The following VIL1 variants were observed in gnomAD, a reference collection of about 807,000 sequenced individuals.
VIL1 encodes the protein villin 1.
Under a neutral mutation model 104.0 loss-of-function variants are expected in VIL1, and 86 were observed. The observed-to-expected ratio is 0.83, with a 90% confidence interval of 0.69 to 0.99. The LOEUF (loss-of-function observed/expected upper bound fraction) is 0.99, where lower values mean the gene tolerates loss of function less well. Ranked by LOEUF, VIL1 falls within the 50% of genes least tolerant of loss-of-function variation. The pLI is 0.00. For synonymous variants in VIL1, 394 were observed against 412.6 expected (o/e 0.95, Z 0.55); for missense variants, 944 against 1,054.1 (o/e 0.90, Z 1.45).
intron 3 of VIL1, 25 bp from the exon 4 acceptor site, chr2:218,425,587 TCGG>T: frequency 6.2e-7 from 1 of 1,611,094 alleles, no homozygotes. Flanking sequence ...GCCCAGGGTC[TCGG>T]GTACACTGGA....
rs1481544667 is a variant in VIL1, at chr2:218,419,138, C to T, written c.-42C>T. 1 of 152,294 alleles carries T rather than the reference C, an allele frequency of 6.6e-6. No individual in the cohort carries two copies. The highest frequency in any genetic ancestry group is 2.4e-5 in the African/African-American group (1 of 41,436). The allele number at this position is 152,294 out of a possible 1,614,324, so 9.4% of individuals were successfully genotyped here. On this transcript the variant is annotated 5_prime_UTR_variant, in exon 1 of 20. Coordinates refer to ENST00000248444, the MANE Select transcript of VIL1 (RefSeq NM_007127.3). Reference sequence around the variant, plus strand: ...CCAGCTTGCCACAATTCCCTGAGATCTCCCAGGTGGCAGCTGCCTCCCCAA... The same window carrying T: ...CCAGCTTGCCACAATTCCCTGAGATTTCCCAGGTGGCAGCTGCCTCCCCAA...
At chr2:218,428,144 G>T in intron 5 of VIL1, 71 bp downstream of exon 5, 1 of 1,597,208 alleles carries the variant, frequency 6.3e-7, no homozygotes, top group Non-Finnish European at 8.6e-7. Flanking sequence ...CTGAGGAGGG[G>T]TGAGGGGCAG....
rs569483851 is a variant in VIL1, at chr2:218,426,684, C to A, written c.347+873C>A. On this transcript the variant is annotated intron_variant, in intron 4 of 19. Transcript: ENST00000248444. Reference sequence around the variant, plus strand: ...TGGCGCGATCTCAACTCACTGCAAGCTCTGCCTCCCAGGCTCACGCCATTC... The same window carrying A: ...TGGCGCGATCTCAACTCACTGCAAGATCTGCCTCCCAGGCTCACGCCATTC... Among the ~76,000 whole-genome samples, 471 of 152,172 alleles carry A rather than the reference C, an allele frequency of 3.1e-3. 1 individual carries two copies. The highest frequency in any genetic ancestry group is 0.011 in the African/African-American group (453 of 41,506).
chr2:218,421,151 A>C (rs998227541), intron 1 of VIL1, among the ~76,000 whole-genome samples: 1 of 151,978 alleles, frequency 6.6e-6, no homozygotes, highest in Non-Finnish European at 1.5e-5. Flanking sequence ...AGAGCTTTCC[A>C]TATTGGAGCA....
In VIL1 at chr2:218,425,629, C is replaced by T; in HGVS notation, c.165C>T (p.Ala55=). 1.2e-6 allele frequency: 2 copies of T among 1,614,178 alleles called. No individual in the cohort carries two copies. The highest frequency in any genetic ancestry group is 8.5e-7 in the Non-Finnish European group (1 of 1,180,018). Residue 55 remains alanine (A), a synonymous_variant, in exon 4 of 20, where the codon GCC becomes GCT. Transcript: ENST00000248444. The part of the protein sequence containing the change: ...CYIILAIHKT[A]SSLSYDIHYW... The stretch of plus-strand genomic sequence containing the variant: ...CTTTTCCCTAGATCCACAAGACAGC[C>T]AGCAGCCTGTCCTATGACATCCACT...
chr2:218,421,173 C>A lies in VIL1; in HGVS notation c.-12+2005C>A, dbSNP rs552059269. ...TCCATATTGGAGCAGTGCAAGCAGG[C>A]GTGGGGTGAGAGGCAGCATGGGGGT... On this transcript the variant is annotated intron_variant, in intron 1 of 19. Transcript: ENST00000248444. Among the ~76,000 whole-genome samples the A allele has an allele frequency of 3.0e-4, 46 of 151,818 alleles. No homozygotes were observed. In the South Asian group the frequency reaches 7.9e-3, roughly 26 times the overall value.
rs867725143 is a variant in VIL1 at position 218,425,120 on chromosome 2, G to A, written c.151-495G>A. Among the ~76,000 whole-genome samples, 10 of 150,404 alleles carry A rather than the reference G, an allele frequency of 6.6e-5. No homozygotes were observed. The East Asian group carries it at 9.9e-4, about 15-fold the overall frequency. On this transcript the variant is annotated intron_variant, in intron 3 of 19. Transcript: ENST00000248444. ...TTTTGAGACAGAGTCTCGCTCTGTC[G>A]CCCAGGCTGGAGTGCAATGGCACAA...
At chr2:218,435,526 G>A in intron 15 of VIL1, 92 bp downstream of exon 15, 1 of 1,486,924 alleles carries the variant, frequency 6.7e-7, no homozygotes, top group Non-Finnish European at 9.0e-7. Context: ...AGCAGGCATG[G>A]ACTGAGGACT....
In VIL1 at chr2:218,440,764, A is replaced by C; in HGVS notation, c.2272A>C (p.Asn758His). The C allele has an allele frequency of 6.2e-7, 1 of 1,614,190 alleles. No homozygotes were observed. Residue 758 changes from asparagine to histidine, a missense_variant, in exon 19 of 20, where the codon AAC becomes CAC. Physicochemically the swap from Asn to His is moderately conservative, Grantham distance 68. Transcript: ENST00000248444. Reference sequence around the variant, plus strand: ...AGTGGACGTGTTCAATGCTAACAGCAACCTCAGTTCTGGGCCTCTGCCCAT... The same window carrying C: ...AGTGGACGTGTTCAATGCTAACAGCCACCTCAGTTCTGGGCCTCTGCCCAT... Reference protein sequence around the residue: ...PKVDVFNANSNLSSGPLPIFP... With the variant: ...PKVDVFNANSHLSSGPLPIFP...
intron 19 of VIL1, 68 bp from the exon 20 acceptor site, chr2:218,449,155 G>A (rs188735234): frequency 1.6e-5 from 18 of 1,130,540 alleles, no homozygotes; most frequent in East Asian, 1.4e-4. Flanking sequence ...CAGAGCAAAC[G>A]GTGCCTGAGG....
rs1689115303 is a variant in VIL1, at chr2:218,432,443, G to A, written c.1341+260G>A. The stretch of plus-strand genomic sequence containing the variant: ...ACCTGCTCTGCCCATGGGTTTTTGT[G>A]TCTAGATGCGAGGGAGCAGGGAGTG... On this transcript the variant is annotated intron_variant, in intron 12 of 19. Coordinates refer to ENST00000248444, the MANE Select transcript of VIL1 (RefSeq NM_007127.3). 5.6e-6 allele frequency: 4 copies of A among 710,448 alleles called. No individual in the cohort carries two copies. The South Asian group carries it at 6.0e-5, about 11-fold the overall frequency. 44.0% of individuals were successfully genotyped at this position (710,448 alleles called of 1,614,324 possible).
Position 218,432,910 on chromosome 2 carries a change from C to T in VIL1, c.1459C>T (p.His487Tyr), listed in dbSNP as rs925345480. 6.2e-7 allele frequency: 1 copy of T among 1,614,216 alleles called. No homozygotes were observed. Among genetic ancestry groups the T allele is most frequent in the South Asian group, 1.1e-5 (1 of 91,088 alleles). ...GGTCCCAATGGGCAAGGAGCCACCT[C>T]ATCTTATGTCCATCTTCAAGGGACG... is the stretch of plus-strand genomic sequence containing the variant. ...IRVPMGKEPP[H>Y]LMSIFKGRMV... The change falls in exon 13 of 20, where the codon CAT becomes TAT. Residue 487 changes from histidine to tyrosine, a missense_variant. Coordinates refer to ENST00000248444, the MANE Select transcript of VIL1 (RefSeq NM_007127.3).
chr2:218,427,619 C>G (rs1449294693), intron 4 of VIL1, among the ~76,000 whole-genome samples: 1 of 152,156 alleles, frequency 6.6e-6, no homozygotes, highest in East Asian at 1.9e-4. Context: ...AGTCACCGCA[C>G]CTGGCCTATT....
At chr2:218,448,690 C>A (rs1466888074) in intron 19 of VIL1, among the ~76,000 whole-genome samples, 1 of 151,986 alleles carries the variant, frequency 6.6e-6, no homozygotes, top group Non-Finnish European at 1.5e-5. Flanking sequence ...TACCACACTA[C>A]TATCTTTTTC....
Position 218,449,216 on chromosome 2 carries a change from C to A in VIL1, c.2371-7C>A. 1 of 1,611,252 alleles carries A rather than the reference C, an allele frequency of 6.2e-7. No homozygotes were observed. Among genetic ancestry groups the A allele is most frequent in the Non-Finnish European group, 8.5e-7 (1 of 1,177,508 alleles). The stretch of plus-strand genomic sequence containing the variant: ...ACCTTTGCCCTCTGGTCCCTCTCTT[C>A]TTCTAGGAACACCTGTCCATTGAAG... On this transcript the variant is annotated splice_polypyrimidine_tract_variant and splice_region_variant and intron_variant, in intron 19 of 19. Coordinates refer to ENST00000248444, the MANE Select transcript of VIL1 (RefSeq NM_007127.3).
Position 218,449,655 on chromosome 2 carries a change from C to T in VIL1, c.*319C>T, listed in dbSNP as rs1189236239. ...AAACACTCCATGGAACATTAGAGTT[C>T]TGAGGCACTACCCTAGCTTGTCCTC... On this transcript the variant is annotated 3_prime_UTR_variant, in exon 20 of 20. Transcript: ENST00000248444. 4.2e-6 allele frequency: 1 copy of T among 238,480 alleles called. No individual in the cohort carries two copies. The highest frequency in any genetic ancestry group is 2.2e-5 in the African/African-American group (1 of 45,302). 14.8% of individuals were successfully genotyped at this position (238,480 alleles called of 1,614,324 possible). A position where few individuals can be genotyped will look rare whatever the true frequency, so the allele number is the denominator to read the frequency against.
chr2:218,439,157 C>T (rs533842567), intron 18 of VIL1, among the ~76,000 whole-genome samples: 1 of 152,032 alleles, frequency 6.6e-6, no homozygotes, highest in East Asian at 2.0e-4. Context: ...TCTCAAACTC[C>T]TGACCTCAAG....
rs768291134 is a variant in VIL1, at chr2:218,429,952, T to C, written c.948+5T>C. On this transcript the variant is annotated splice_donor_5th_base_variant and intron_variant, in intron 9 of 19. Transcript: ENST00000248444. ...GGAGCCATGAGCCATGCGCTGGTAG[T>C]GGTGGGGGCGGGGGAGGGTCCAGGA... The C allele has an allele frequency of 3.8e-6, 3 of 785,216 alleles. No homozygotes were observed. In the South Asian group the frequency reaches 5.2e-5, roughly 14 times the overall value. 48.6% of individuals were successfully genotyped at this position (785,216 alleles called of 1,614,324 possible).
intron 19 of VIL1, among the ~76,000 whole-genome samples, chr2:218,446,203 A>T (rs918785318): frequency 6.6e-6 from 1 of 152,150 alleles, no homozygotes; most frequent in Admixed American, 6.6e-5. Flanking sequence ...TCACAGAAGA[A>T]TATAAAAAAC....
Sources: allele counts gnomAD v4.1 joint callset (sites outside exome capture counted in the v4.1 genomes callset), GRCh38; gene constraint gnomAD v4.1.1; transcripts MANE v1.5; gene names NCBI Gene and HGNC (gene_info 2026-07-23, HGNC 2026-07-21).